Variants in XYLT1 observed in about 807,000 individuals in gnomAD.
XYLT1 encodes the protein xylosyltransferase 1.
Under a neutral mutation model 91.3 loss-of-function variants are expected in XYLT1, and 36 were observed. The observed-to-expected ratio is 0.39, with a 90% confidence interval of 0.30 to 0.52. The LOEUF (loss-of-function observed/expected upper bound fraction) is 0.52, where lower values mean the gene tolerates loss of function less well. Ranked by LOEUF, XYLT1 falls within the 20% of genes least tolerant of loss-of-function variation. The probability of loss-of-function intolerance (pLI) is 0.68; values close to 1 mark genes in which losing one functional copy is unlikely to be tolerated. For missense variants in XYLT1, 1,242 were observed against 1,284.5 expected (o/e 0.97, Z 0.51); for synonymous variants, 588 against 532.0 (o/e 1.11, Z -1.45).
intron 11 of XYLT1, among the ~76,000 whole-genome samples, chr16:17,109,850 C>A (rs1966829645): frequency 6.6e-6 from 1 of 152,228 alleles, no homozygotes; most frequent in Admixed American, 6.5e-5. Flanking sequence ...CGAGCGTCCA[C>A]CTTGTACTCT....
In XYLT1 at chr16:17,103,786, TC is replaced by T. The variant is rs1167754682; in HGVS notation, c.*4908del. 2 of 152,066 alleles carry T rather than the reference TC, an allele frequency of 1.3e-5. No homozygotes were observed. The allele number at this position is 152,066 out of a possible 1,614,324, so 9.4% of individuals were successfully genotyped here. A position where few individuals can be genotyped will look rare whatever the true frequency, so the allele number is the denominator to read the frequency against. On this transcript the variant is annotated 3_prime_UTR_variant, in exon 12 of 12. Coordinates refer to ENST00000261381, the MANE Select transcript of XYLT1 (RefSeq NM_022166.4). The stretch of plus-strand genomic sequence containing the variant: ...TGGAGAGGGAAGAGAGGTCACTTTC[TC>T]CCTGCATACGCCTGGTAAGACCAGA...
At chr16:17,217,784 C>A (rs1417865537) in intron 3 of XYLT1, among the ~76,000 whole-genome samples, 1 of 151,930 alleles carries the variant, frequency 6.6e-6, no homozygotes, top group Admixed American at 6.6e-5. Flanking sequence ...AGAGATGGGG[C>A]CAGGTGATCT....
At chr16:17,291,113 C>T (rs2034218289) in intron 2 of XYLT1, among the ~76,000 whole-genome samples, 1 of 152,040 alleles carries the variant, frequency 6.6e-6, no homozygotes, top group African/African-American at 2.4e-5. Context: ...TTTTTTTTGG[C>T]AGCGACTGGG....
chr16:17,248,410 C>T (rs988822005), intron 3 of XYLT1, among the ~76,000 whole-genome samples: 1 of 152,198 alleles, frequency 6.6e-6, no homozygotes, highest in Non-Finnish European at 1.5e-5. Context: ...CTGGCAATTT[C>T]AGTTCAGTAC....
chr16:17,332,571 C>T (rs1348176793), intron 2 of XYLT1, among the ~76,000 whole-genome samples: 107 of 100,336 alleles, frequency 1.1e-3, no homozygotes, highest in African/African-American at 4.3e-3. Context: ...CACACATACA[C>T]ACACACACAC....
chr16:17,267,447 G>A (rs534346200), intron 2 of XYLT1, among the ~76,000 whole-genome samples: 6 of 152,324 alleles, frequency 3.9e-5, no homozygotes, highest in African/African-American at 9.6e-5. Context: ...TCGCTCTGTC[G>A]CCCAGGCTGG....
At chr16:17,399,984 T>A (rs1159101997) in intron 1 of XYLT1, among the ~76,000 whole-genome samples, 1 of 152,256 alleles carries the variant, frequency 6.6e-6, no homozygotes, top group Non-Finnish European at 1.5e-5. Flanking sequence ...TTCAACACAA[T>A]CGCTAAGGAT....
At chr16:17,266,313 G>T (rs1263219375) in intron 2 of XYLT1, among the ~76,000 whole-genome samples, 8 of 152,128 alleles carry the variant, frequency 5.3e-5, no homozygotes, top group Non-Finnish European at 1.2e-4. Context: ...GGACTGAATC[G>T]ATCAAGCATA....
chr16:17,358,460 C>T lies in XYLT1; in HGVS notation c.364-410G>A, dbSNP rs1040145794. On this transcript the variant is annotated intron_variant, in intron 1 of 11. Transcript: ENST00000261381. Reference sequence around the variant, plus strand: ...CTCCCAGCATCATTTTCAAACAAAGCTTGATTTCCCCAGTGGTCAAGCCAC... The same window carrying T: ...CTCCCAGCATCATTTTCAAACAAAGTTTGATTTCCCCAGTGGTCAAGCCAC... Among the ~76,000 whole-genome samples the T allele has an allele frequency of 4.2e-4, 64 of 152,110 alleles. 1 individual carries two copies. Among genetic ancestry groups the T allele is most frequent in the Non-Finnish European group, 2.6e-4 (18 of 68,018 alleles).
intron 1 of XYLT1, among the ~76,000 whole-genome samples, chr16:17,466,336 G>T (rs919538369): frequency 9.9e-5 from 15 of 152,106 alleles, no homozygotes; most frequent in Non-Finnish European, 2.2e-4. Context: ...CATATAGATG[G>T]ATTTATGACC....
chr16:17,245,636 CT>C (rs2033423887), intron 3 of XYLT1, among the ~76,000 whole-genome samples: 1 of 152,178 alleles, frequency 6.6e-6, no homozygotes, highest in Non-Finnish European at 1.5e-5. Context: ...TTTTAAATTA[CT>C]TTATCATTGT....
At chr16:17,268,994 A>G (rs998069851) in intron 2 of XYLT1, among the ~76,000 whole-genome samples, 3 of 152,042 alleles carry the variant, frequency 2.0e-5, no homozygotes, top group Non-Finnish European at 4.4e-5. Context: ...TCCTATAGAG[A>G]GAGGAACCCA....
At chr16:17,289,737 A>G (rs1201717968) in intron 2 of XYLT1, among the ~76,000 whole-genome samples, 1 of 151,196 alleles carries the variant, frequency 6.6e-6, no homozygotes, top group Admixed American at 6.6e-5. Context: ...GACTGGCTCC[A>G]AAAAAAAGTT....
chr16:17,267,159 G>C (rs1164130065), intron 2 of XYLT1, among the ~76,000 whole-genome samples: 1 of 152,212 alleles, frequency 6.6e-6, no homozygotes, highest in Non-Finnish European at 1.5e-5. Flanking sequence ...TCCAGTCTCT[G>C]CTCCTTAACT....
At chr16:17,331,883 C>T (rs1477288241) in intron 2 of XYLT1, among the ~76,000 whole-genome samples, 1 of 152,236 alleles carries the variant, frequency 6.6e-6, no homozygotes, top group African/African-American at 2.4e-5. Flanking sequence ...TCCCTAACTA[C>T]TTTGCTTCCT....
In XYLT1 at chr16:17,183,425, T is replaced by C. The variant is rs2032113343; in HGVS notation, c.1289+14787A>G. On this transcript the variant is annotated intron_variant, in intron 5 of 11. Transcript: ENST00000261381. The stretch of plus-strand genomic sequence containing the variant: ...CCCCAGAACTATCCAGCAGGTGAAA[T>C]TATGACCCGTTGGCAAAAAACTCAG... Among the ~76,000 whole-genome samples, 2 of 150,442 alleles carry C rather than the reference T, an allele frequency of 1.3e-5. 1 individual carries two copies. The highest frequency in any genetic ancestry group is 4.2e-4 in the South Asian group (2 of 4,802).
intron 1 of XYLT1, among the ~76,000 whole-genome samples, chr16:17,430,827 C>A (rs2036381469): frequency 6.6e-6 from 1 of 152,140 alleles, no homozygotes; most frequent in South Asian, 2.1e-4. Context: ...GAACCTGAAG[C>A]CTGAGCTTCT....
chr16:17,281,366 T>A (rs1368321274), intron 2 of XYLT1, among the ~76,000 whole-genome samples: 1 of 152,192 alleles, frequency 6.6e-6, no homozygotes, highest in African/African-American at 2.4e-5. Flanking sequence ...TGACACTGCT[T>A]GGCTCCATGG....
At chr16:17,159,244 T>A (rs1054828281) in intron 5 of XYLT1, among the ~76,000 whole-genome samples, 2 of 152,192 alleles carry the variant, frequency 1.3e-5, no homozygotes, top group African/African-American at 4.8e-5. Flanking sequence ...CAAAGCTAAA[T>A]GCACAGCAAC....
Sources: gnomAD v4.1 joint callset for allele counts (sites outside exome capture counted in the v4.1 genomes callset) on GRCh38, gnomAD v4.1.1 for gene constraint, MANE v1.5 for transcripts, NCBI Gene and HGNC (gene_info 2026-07-23, HGNC 2026-07-21) for gene names.